ZFPM2: variants seen among roughly 807,000 people sequenced by gnomAD.
ZFPM2 encodes zinc finger protein, FOG family member 2.
In ZFPM2, 20 loss-of-function variants were observed where a neutral mutation model predicts 98.6. The observed-to-expected ratio is 0.20, with a 90% CI of 0.14 to 0.29. ZFPM2 has a LOEUF of 0.29. Ranked by LOEUF, ZFPM2 falls within the 10% of genes least tolerant of loss-of-function variation. The pLI, the probability that ZFPM2 is intolerant of heterozygous loss-of-function variation, is 1.00. For missense variants in ZFPM2, 1,310 were observed against 1,388.6 expected (o/e 0.94, Z 0.90); for synonymous variants, 518 against 502.7 (o/e 1.03, Z -0.41).
chr8:105,693,735 T>C (rs1489991121), intron 5 of ZFPM2, among the ~76,000 whole-genome samples: 3 of 152,094 alleles, frequency 2.0e-5, no homozygotes, highest in Non-Finnish European at 4.4e-5. Context: ...TTTTAAATGG[T>C]GTATTATCCA....
intron 2 of ZFPM2, among the ~76,000 whole-genome samples, chr8:105,436,084 A>C (rs1563657318): frequency 6.6e-6 from 1 of 152,344 alleles, no homozygotes; most frequent in East Asian, 1.9e-4. Flanking sequence ...CGAAACTAAA[A>C]TCTAATTTTT....
At chr8:105,650,440 A>G (rs887769216) in intron 5 of ZFPM2, among the ~76,000 whole-genome samples, 7 of 151,860 alleles carry the variant, frequency 4.6e-5, no homozygotes, top group African/African-American at 1.7e-4. Flanking sequence ...GTTTGCTCTT[A>G]CTTCTCTAGT....
At chr8:105,527,914 C>G (rs1814211228) in intron 3 of ZFPM2, among the ~76,000 whole-genome samples, 1 of 152,174 alleles carries the variant, frequency 6.6e-6, no homozygotes, top group South Asian at 2.1e-4. Context: ...AATCCAACTT[C>G]TTTATTTCCA....
chr8:105,546,348 G>A (rs1422533574), intron 3 of ZFPM2, among the ~76,000 whole-genome samples: 12 of 152,014 alleles, frequency 7.9e-5, no homozygotes, highest in South Asian at 6.2e-4. Context: ...AGGCTGAGGC[G>A]GGTGGATCAT....
chr8:105,533,691 T>TTCCCTCCCTCCCTCCCTCCTTCCTTTC (rs2130592647), intron 3 of ZFPM2, among the ~76,000 whole-genome samples: 1 of 115,220 alleles, frequency 8.7e-6, no homozygotes, highest in Non-Finnish European at 1.7e-5. Context: ...CCCTCCGTCC[T>TTCCCTCCCTCCCTCCCTCCTTCCTTTC]TCCCTCCCTC....
At chr8:105,602,669 G>A (rs1034885464) in intron 4 of ZFPM2, among the ~76,000 whole-genome samples, 6 of 152,032 alleles carry the variant, frequency 3.9e-5, no homozygotes, top group Non-Finnish European at 7.4e-5. Context: ...ACATGAATAT[G>A]TGTGTACATA....
In ZFPM2 at chr8:105,803,757, C is replaced by A; in HGVS notation, c.*219C>A. The A allele has an allele frequency of 1.9e-6, 1 of 526,934 alleles. No individual in the cohort carries two copies. 32.6% of individuals were successfully genotyped at this position (526,934 alleles called of 1,614,324 possible). A position where few individuals can be genotyped will look rare whatever the true frequency, so the allele number is the denominator to read the frequency against. ...ATTAATTTATTTTACCAGCAGTATT[C>A]ATAGCTGTGGTTATGTTATTTTTTA... On this transcript the variant is annotated 3_prime_UTR_variant, in exon 8 of 8. Coordinates refer to ENST00000407775, the MANE Select transcript of ZFPM2 (RefSeq NM_012082.4).
intron 2 of ZFPM2, among the ~76,000 whole-genome samples, chr8:105,441,082 G>A (rs1028832930): frequency 3.0e-4 from 46 of 152,034 alleles, no homozygotes; most frequent in African/African-American, 1.1e-3. Flanking sequence ...TTGAACCCGG[G>A]AGGCAGAGGT....
At chr8:105,329,927 C>T (rs1251356172) in intron 1 of ZFPM2, among the ~76,000 whole-genome samples, 1 of 151,646 alleles carries the variant, frequency 6.6e-6, no homozygotes, top group Non-Finnish European at 1.5e-5. Context: ...AAATTCTTGA[C>T]ACATATTCAA....
chr8:105,599,391 T>TAAAAA (rs71577982), intron 4 of ZFPM2, among the ~76,000 whole-genome samples: 1,653 of 137,358 alleles, frequency 0.012, 30 homozygotes, highest in African/African-American at 0.041. Flanking sequence ...TTTTCGTCTT[T>TAAAAA]AAAAAAAAAA....
At chr8:105,760,955 T>C (rs1812721969) in intron 5 of ZFPM2, among the ~76,000 whole-genome samples, 1 of 152,032 alleles carries the variant, frequency 6.6e-6, no homozygotes, top group Admixed American at 6.6e-5. Context: ...TTGTGTCATC[T>C]TACAGAGAAA....
chr8:105,465,230 T>G (rs976443223), intron 3 of ZFPM2, among the ~76,000 whole-genome samples: 1 of 152,046 alleles, frequency 6.6e-6, no homozygotes, highest in Non-Finnish European at 1.5e-5. Context: ...TTCATGTCTG[T>G]GGGCTTGTTT....
chr8:105,479,375 T>C (rs1254446349), intron 3 of ZFPM2, among the ~76,000 whole-genome samples: 2 of 152,224 alleles, frequency 1.3e-5, no homozygotes, highest in Non-Finnish European at 2.9e-5. Flanking sequence ...TTTTTAAGAC[T>C]GTAACATACT....
At chr8:105,413,870 T>C (rs1256783335) in intron 1 of ZFPM2, among the ~76,000 whole-genome samples, 1 of 151,932 alleles carries the variant, frequency 6.6e-6, no homozygotes, top group East Asian at 1.9e-4. Flanking sequence ...ATGGGATACA[T>C]TGGGAAGCTC....
intron 1 of ZFPM2, among the ~76,000 whole-genome samples, chr8:105,347,076 A>G (rs1812551761): frequency 6.6e-6 from 1 of 152,156 alleles, no homozygotes; most frequent in Non-Finnish European, 1.5e-5. Context: ...TAGTTCTCTT[A>G]TTTGAGAAAG....
At chr8:105,749,542 G>A (rs1406228547) in intron 5 of ZFPM2, among the ~76,000 whole-genome samples, 4 of 151,990 alleles carry the variant, frequency 2.6e-5, no homozygotes, top group African/African-American at 9.7e-5. Flanking sequence ...CACTTTCATG[G>A]TATATCCTGG....
intron 3 of ZFPM2, among the ~76,000 whole-genome samples, chr8:105,525,134 C>G (rs944092193): frequency 1.3e-5 from 2 of 152,182 alleles, no homozygotes; most frequent in African/African-American, 4.8e-5. Flanking sequence ...TTAAGCACCT[C>G]ACTCAAACTG....
At position 105,334,118 on chromosome 8, in the gene ZFPM2, C is replaced by CTGTGTGTGTGTG. The variant is rs71305145; in HGVS notation, c.40+15168_40+15179dup. Among the ~76,000 whole-genome samples the CTGTGTGTGTGTG allele has an allele frequency of 2.8e-3, 332 of 120,432 alleles. 5 individuals are homozygous for CTGTGTGTGTGTG. Among genetic ancestry groups the CTGTGTGTGTGTG allele is most frequent in the African/African-American group, 0.01 (299 of 28,738 alleles). The allele number at this position is 120,432 out of a possible 152,430, so 79.0% of individuals were successfully genotyped here. A position where few individuals can be genotyped will look rare whatever the true frequency, so the allele number is the denominator to read the frequency against. ...CACTGCCATTACTGCTAGTAATAAA[C>CTGTGTGTGTGTG]TGTGTGTGTGTGTGTGTGTGTGTGT... On this transcript the variant is annotated intron_variant, in intron 1 of 7. Transcript: ENST00000407775.
At chr8:105,547,053 A>T (rs1203398939) in intron 3 of ZFPM2, among the ~76,000 whole-genome samples, 1 of 152,154 alleles carries the variant, frequency 6.6e-6, no homozygotes, top group Non-Finnish European at 1.5e-5. Flanking sequence ...AGGACAAAAT[A>T]TTATAGATGG....
Sources: gnomAD v4.1 joint callset for allele counts (sites outside exome capture counted in the v4.1 genomes callset) on GRCh38, gnomAD v4.1.1 for gene constraint, MANE v1.5 for transcripts, NCBI Gene and HGNC (gene_info 2026-07-23, HGNC 2026-07-21) for gene names.